Variants in AKR7A2 observed in about 807,000 individuals in gnomAD.
The protein encoded by AKR7A2 is aflatoxin B1 aldehyde reductase member 2.
A neutral mutation model predicts 37.3 loss-of-function variants in AKR7A2; 29 were observed. The observed-to-expected ratio is 0.78, with a 90% confidence interval of 0.58 to 1.06. AKR7A2 has a LOEUF of 1.06. AKR7A2 is among the 50% of genes least tolerant of loss of function. The pLI is 0.00. For missense variants in AKR7A2, 529 were observed against 497.9 expected (o/e 1.06, Z -0.59); for synonymous variants, 228 against 217.8 (o/e 1.05, Z -0.41).
chr1:19,307,032 C>T lies in AKR7A2; in HGVS notation c.758G>A (p.Gly253Glu). 6.2e-7 allele frequency: 1 copy of T among 1,614,218 alleles called. No homozygotes were observed. The highest frequency in any genetic ancestry group is 1.3e-5 in the African/African-American group (1 of 75,054). Residue 253 changes from glycine (G) to glutamate (E), a missense_variant, in exon 5 of 7, where the codon GGG becomes GAG. Coordinates refer to ENST00000235835, the MANE Select transcript of AKR7A2 (RefSeq NM_003689.4). ...CCTGTAGGTCTCAGCCCAGCTATTC[C>T]CAAAGAAGCGGCCCACAGGCTGTTT... ...DGKQPVGRFF[G>E]NSWAETYRNR...
chr1:19,308,089 G>T (rs778484392), intron 3 of AKR7A2, 69 bp downstream of exon 3: 2 of 1,591,998 alleles, frequency 1.3e-6, no homozygotes, highest in Admixed American at 1.7e-5. Context: ...GGGGCAGTCA[G>T]GGGGGCAAAG....
chr1:19,306,186 G>A, intron 5 of AKR7A2, 39 bp from the exon 6 acceptor site: 1 of 1,613,870 alleles, frequency 6.2e-7, no homozygotes. Flanking sequence ...TCAGTACCAT[G>A]GGGGTCACAC....
Position 19,304,114 on chromosome 1 carries a change from T to C in AKR7A2, c.*111A>G. On this transcript the variant is annotated 3_prime_UTR_variant, in exon 7 of 7. Coordinates refer to ENST00000235835, the MANE Select transcript of AKR7A2 (RefSeq NM_003689.4). The stretch of plus-strand genomic sequence containing the variant: ...GGAAGCTAGAAAAATAATGCATGGA[T>C]CTAGACAATTCAGAAAAACCCTTCT... The C allele has an allele frequency of 1.3e-6, 2 of 1,544,242 alleles. No individual in the cohort carries two copies. The highest frequency in any genetic ancestry group is 1.8e-6 in the Non-Finnish European group (2 of 1,119,172).
At chr1:19,311,788 T>C in intron 1 of AKR7A2, 39 bp downstream of exon 1, 1 of 1,608,992 alleles carries the variant, frequency 6.2e-7, no homozygotes, top group South Asian at 1.1e-5. Context: ...CAGGCTCAGC[T>C]CTACACGATG....
chr1:19,311,625 G>A (rs560687976), intron 1 of AKR7A2, among the ~76,000 whole-genome samples: 4 of 152,144 alleles, frequency 2.6e-5, no homozygotes, highest in African/African-American at 9.6e-5. Flanking sequence ...ACTCCCAAGG[G>A]AAGGAGAGTG....
chr1:19,311,365 C>T (rs1248010240), intron 1 of AKR7A2, among the ~76,000 whole-genome samples: 1 of 152,248 alleles, frequency 6.6e-6, no homozygotes, highest in Non-Finnish European at 1.5e-5. Flanking sequence ...GGCATCGCCA[C>T]AGTTCTCCCT....
At chr1:19,308,676 T>G (rs367904165) in intron 1 of AKR7A2, 34 bp from the exon 2 acceptor site, 59 of 1,598,168 alleles carry the variant, frequency 3.7e-5, no homozygotes, top group Non-Finnish European at 4.9e-5. Flanking sequence ...AAGTGACCTA[T>G]TAGAGCCATT....
At position 19,312,033 on chromosome 1, in the gene AKR7A2, G is replaced by A. The variant is rs753061511; in HGVS notation, c.92C>T (p.Ser31Phe). Residue 31 changes from serine (S) to phenylalanine (F), a missense_variant, in exon 1 of 7, where the codon TCC becomes TTC. Ser to Phe is a radical substitution (Grantham distance 155). Transcript: ENST00000235835. ...GGCGACCCGCGGTGGCGGTGGCCGG[G>A]ACATGGCGAGCGCGCGGGCCTCGGG... Reference protein sequence around the residue: ...PPPEARALAMSRPPPPRVASV... With the variant: ...PPPEARALAMFRPPPPRVASV... 22 of 1,408,822 alleles carry A rather than the reference G, an allele frequency of 1.6e-5. No homozygotes were observed. Among genetic ancestry groups the A allele is most frequent in the Middle Eastern group, 2.6e-4 (1 of 3,904 alleles). 87.3% of individuals were successfully genotyped at this position (1,408,822 alleles called of 1,614,324 possible).
chr1:19,308,254 G>C lies in AKR7A2; in HGVS notation c.495C>G (p.Phe165Leu), dbSNP rs377217513. ...ACQRLHQEGK[F>L]VELGLSNYAS... ...CATAGTTGGAGAGGCCAAGCTCCAC[G>C]AACTTGCCCTGCATGGGTGAGGCTC... The change falls in exon 3 of 7, where the codon TTC becomes TTG. Residue 165 changes from phenylalanine to leucine, a missense_variant. Transcript: ENST00000235835. 3 of 1,614,194 alleles carry C rather than the reference G, an allele frequency of 1.9e-6. No individual in the cohort carries two copies. Among genetic ancestry groups the C allele is most frequent in the Non-Finnish European group, 2.5e-6 (3 of 1,180,014 alleles).
Position 19,308,187 on chromosome 1 carries a change from T to C in AKR7A2, c.562A>G (p.Asn188Asp), listed in dbSNP as rs1442962693. 1.2e-6 allele frequency: 2 copies of C among 1,614,092 alleles called. No homozygotes were observed. The highest frequency in any genetic ancestry group is 8.5e-7 in the Non-Finnish European group (1 of 1,179,964). ...VAEICTLCKS[N>D]GWILPTVYQG... is the part of the protein sequence containing the mutation. ...TACACAGTGGGCAGGATCCAGCCAT[T>C]GCTCTTGCAGAGGGTACAGATCTCG... Residue 188 changes from asparagine to aspartate, a missense_variant, in exon 3 of 7, where the codon AAT (asparagine) becomes GAT (aspartate). Physicochemically the swap from Asn to Asp is conservative, Grantham distance 23 (BLOSUM62 1). Coordinates refer to ENST00000235835, the MANE Select transcript of AKR7A2 (RefSeq NM_003689.4).
intron 5 of AKR7A2, 119 bp downstream of exon 5, chr1:19,306,883 T>G (rs1047441736): frequency 9.0e-6 from 8 of 893,616 alleles, no homozygotes; most frequent in Non-Finnish European, 1.3e-5. Context: ...CCTGAAGCAA[T>G]GCAGGGGAGG....
Position 19,304,125 on chromosome 1 carries a change from C to T in AKR7A2, c.*100G>A. On this transcript the variant is annotated 3_prime_UTR_variant, in exon 7 of 7. Transcript: ENST00000235835. Reference sequence around the variant, plus strand: ...AAATAATGCATGGATCTAGACAATTCAGAAAAACCCTTCTAAGTCAGCTTA... The same window carrying T: ...AAATAATGCATGGATCTAGACAATTTAGAAAAACCCTTCTAAGTCAGCTTA... The T allele has an allele frequency of 1.3e-6, 2 of 1,583,080 alleles. No homozygotes were observed. Among genetic ancestry groups the T allele is most frequent in the South Asian group, 2.2e-5 (2 of 90,062 alleles).
rs2093757112 is a variant in AKR7A2, at chr1:19,304,238, T to C, written c.1067A>G (p.Asn356Ser). Residue 356 changes from asparagine (N) to serine (S), a missense_variant, in exon 7 of 7, where the codon AAC becomes AGC. Coordinates refer to ENST00000235835, the MANE Select transcript of AKR7A2 (RefSeq NM_003689.4). ...AWHLVAHECP[N>S]YFR ...GCCATGATGGGCCTAGCGGAAGTAG[T>C]TGGGACATTCGTGAGCAACCAAATG... is the stretch of plus-strand genomic sequence containing the variant. 4.3e-6 allele frequency: 7 copies of C among 1,614,028 alleles called. No individual in the cohort carries two copies. The East Asian group carries it at 8.9e-5, about 21-fold the overall frequency.
At chr1:19,307,628 G>A (rs2093764142) in intron 3 of AKR7A2, 2 of 614,046 alleles carry the variant, frequency 3.3e-6, no homozygotes, top group Admixed American at 5.5e-5. Flanking sequence ...TGAACTCCAT[G>A]CTGGACACTG....
chr1:19,311,862 C>A lies in AKR7A2; in HGVS notation c.263G>T (p.Gly88Val). 6.2e-7 allele frequency: 1 copy of A among 1,610,664 alleles called. No individual in the cohort carries two copies. The highest frequency in any genetic ancestry group is 8.5e-7 in the Non-Finnish European group (1 of 1,179,572). The stretch of plus-strand genomic sequence containing the variant: ...GCCACCGCCCAGCCCGAGCCCCAGG[C>A]CGCCCAGGATGGTCTCGGACTGGCC... ...SDGQSETILGGLGLGLGGGDC... is the reference protein window; with the variant it reads ...SDGQSETILGVLGLGLGGGDC... Residue 88 changes from glycine (G) to valine (V), a missense_variant, in exon 1 of 7, where the codon GGC becomes GTC. Coordinates refer to ENST00000235835, the MANE Select transcript of AKR7A2 (RefSeq NM_003689.4).
chr1:19,311,132 T>G (rs1459213134), intron 1 of AKR7A2, among the ~76,000 whole-genome samples: 2 of 152,226 alleles, frequency 1.3e-5, no homozygotes, highest in Middle Eastern at 3.2e-3. Context: ...CCTTCCCTAG[T>G]GCCTCTCCCC....
intron 3 of AKR7A2, chr1:19,307,849 G>C: frequency 1.9e-6 from 1 of 530,382 alleles, no homozygotes; most frequent in East Asian, 3.4e-5. Context: ...CAGAGGAGGA[G>C]ACCTCTATGT....
intron 1 of AKR7A2, among the ~76,000 whole-genome samples, chr1:19,311,293 A>C (rs2093774289): frequency 6.6e-6 from 1 of 152,160 alleles, no homozygotes. Flanking sequence ...AGTGGATAGA[A>C]AGTCCCTACA....
At position 19,306,134 on chromosome 1, in the gene AKR7A2, G is replaced by A. The variant is rs778645310; in HGVS notation, c.802C>T (p.His268Tyr). Residue 268 changes from histidine to tyrosine, a missense_variant, in exon 6 of 7, where the codon CAC becomes TAC. Physicochemically the swap from His to Tyr is moderately conservative, Grantham distance 83 (BLOSUM62 2). Coordinates refer to ENST00000235835, the MANE Select transcript of AKR7A2 (RefSeq NM_003689.4). ...ACCAACGCAATGGCCTCGAAGTGGTGCTCCTTCCAGAAGCTGTGCAGAGGG... is the reference window on the plus strand; with the variant it reads ...ACCAACGCAATGGCCTCGAAGTGGTACTCCTTCCAGAAGCTGTGCAGAGGG... ...ETYRNRFWKE[H>Y]HFEAIALVEK... is the part of the protein sequence containing the mutation. The A allele has an allele frequency of 1.2e-6, 2 of 1,614,234 alleles. No homozygotes were observed. The highest frequency in any genetic ancestry group is 1.7e-6 in the Non-Finnish European group (2 of 1,180,032).
Sources: allele counts gnomAD v4.1 joint callset (sites outside exome capture counted in the v4.1 genomes callset), GRCh38; gene constraint gnomAD v4.1.1; transcripts MANE v1.5; gene names NCBI Gene and HGNC (gene_info 2026-07-23, HGNC 2026-07-21).